The following PJVK variants were observed in gnomAD, a reference collection of about 807,000 sequenced individuals.
PJVK encodes pejvakin.
Under a neutral mutation model 37.6 loss-of-function variants are expected in PJVK, and 33 were observed. The ratio of observed to expected loss-of-function variants is 0.88; its 90% CI spans 0.67 to 1.17. The LOEUF (loss-of-function observed/expected upper bound fraction) is 1.17, where lower values mean the gene tolerates loss of function less well. Ranked by LOEUF, PJVK falls within the 50% of genes most tolerant of loss-of-function variation. PJVK has a pLI of 0.00. For synonymous variants in PJVK, 141 were observed against 143.5 expected (o/e 0.98, Z 0.13); for missense variants, 410 against 413.8 (o/e 0.99, Z 0.08).
intron 1 of PJVK, chr2:178,452,239 G>A (rs1262397580): frequency 1.6e-5 from 15 of 932,770 alleles, no homozygotes; most frequent in Non-Finnish European, 1.9e-5. Context: ...GTTGCAGTGA[G>A]CCGAGATCGC....
intron 6 of PJVK, 29 bp downstream of exon 6, chr2:178,460,475 T>TA: frequency 6.4e-7 from 1 of 1,570,274 alleles, no homozygotes; most frequent in South Asian, 1.1e-5. Flanking sequence ...ACTGTGAATG[T>TA]CTTTTTTTTT....
chr2:178,452,548 G>A, intron 1 of PJVK: 1 of 985,290 alleles, frequency 1.0e-6, no homozygotes, highest in Non-Finnish European at 1.2e-6. Context: ...TAACACCTAT[G>A]GCAAAACATT....
intron 5 of PJVK, chr2:178,459,236 C>G: frequency 2.1e-6 from 1 of 471,516 alleles, no homozygotes; most frequent in Non-Finnish European, 4.4e-6. Flanking sequence ...CCAGGTGTAG[C>G]CCAAGGGATC....
In PJVK at chr2:178,451,908, T is replaced by C. The variant is rs747676823; in HGVS notation, c.-23+139T>C. 7.8e-4 allele frequency: 720 copies of C among 926,306 alleles called. 1 individual carries two copies. The highest frequency in any genetic ancestry group is 8.9e-4 in the Non-Finnish European group (689 of 775,844). The allele number at this position is 926,306 out of a possible 1,614,324, so 57.4% of individuals were successfully genotyped here. A position where few individuals can be genotyped will look rare whatever the true frequency, so the allele number is the denominator to read the frequency against. On this transcript the variant is annotated intron_variant, in intron 1 of 6. Transcript: ENST00000644580. ...ATGACGTGTCGCTTCTCCAGGGGCT[T>C]GCTAGGCACTAGCAGAAATGCTCCC... is the stretch of plus-strand genomic sequence containing the variant.
rs891890514 is a variant in PJVK at position 178,455,347 on chromosome 2, C to T, written c.408-663C>T. Reference sequence around the variant, plus strand: ...AGTCCATGGGGCTGCCAACCTCAGACGAACAGAAGAAACAGGAGATTCTGA... The same window carrying T: ...AGTCCATGGGGCTGCCAACCTCAGATGAACAGAAGAAACAGGAGATTCTGA... On this transcript the variant is annotated intron_variant, in intron 3 of 6. Transcript: ENST00000644580. 5.7e-5 allele frequency: 74 copies of T among 1,289,996 alleles called. No individual in the cohort carries two copies. In the East Asian group the frequency reaches 1.5e-3, roughly 26 times the overall value. The allele number at this position is 1,289,996 out of a possible 1,614,324, so 79.9% of individuals were successfully genotyped here.
At chr2:178,455,726 A>C (rs919036494) in intron 3 of PJVK, among the ~76,000 whole-genome samples, 1 of 152,232 alleles carries the variant, frequency 6.6e-6, no homozygotes, top group Non-Finnish European at 1.5e-5. Flanking sequence ...CATTTGCTTA[A>C]TTATTAGATT....
chr2:178,454,487 GA>G lies in PJVK; in HGVS notation c.369del (p.Val124TrpfsTer21). 6.2e-7 allele frequency: 1 copy of G among 1,613,812 alleles called. No homozygotes were observed. Among genetic ancestry groups the G allele is most frequent in the Non-Finnish European group, 8.5e-7 (1 of 1,179,952 alleles). On this transcript the variant is annotated frameshift_variant, in exon 3 of 7. Transcript: ENST00000644580. LOFTEE classifies it high-confidence loss of function. ...KASFGIVTKH[E>X]VEVSTLLKEI... ...TTCATTTGGTATAGTAACCAAACAT[GA>G]AGTGGAAGTATCAACATTACTCAAA...
At position 178,453,496 on chromosome 2, in the gene PJVK, C is replaced by T; in HGVS notation, c.87C>T (p.Asp29=). 1 of 1,614,106 alleles carries T rather than the reference C, an allele frequency of 6.2e-7. No homozygotes were observed. Among genetic ancestry groups the T allele is most frequent in the Non-Finnish European group, 8.5e-7 (1 of 1,180,008 alleles). Residue 29 remains aspartate, a synonymous_variant, in exon 2 of 7, where the codon GAC becomes GAT. Transcript: ENST00000644580. ...LVPVPSLSEA[D]KYQPLSLVVK... ...CTGTTCCAAGCCTCAGTGAAGCTGA[C>T]AAATATCAACCTCTAAGTCTGGTGG...
intron 4 of PJVK, 73 bp downstream of exon 4, chr2:178,456,224 TA>T: frequency 6.4e-7 from 1 of 1,551,090 alleles, no homozygotes; most frequent in Non-Finnish European, 8.8e-7. Context: ...ATTGAATTTC[TA>T]GTCAGGCTTG....
intron 1 of PJVK, chr2:178,452,997 C>A: frequency 4.4e-6 from 1 of 229,514 alleles, no homozygotes; most frequent in Non-Finnish European, 8.8e-6. Flanking sequence ...AGATTGTATC[C>A]GGGACTATCG....
In PJVK at chr2:178,454,914, C is replaced by T. The variant is rs1235383641; in HGVS notation, c.407+387C>T. 3 of 919,004 alleles carry T rather than the reference C, an allele frequency of 3.3e-6. No individual in the cohort carries two copies. In the African/African-American group the frequency reaches 4.9e-5, roughly 15 times the overall value. The allele number at this position is 919,004 out of a possible 1,614,324, so 56.9% of individuals were successfully genotyped here. A position where few individuals can be genotyped will look rare whatever the true frequency, so the allele number is the denominator to read the frequency against. ...TGAGAAGGACAAAGGAAAACTGAAG[C>T]CCAACCTAGGCAACAGGGCAGACCT... is the stretch of plus-strand genomic sequence containing the variant. On this transcript the variant is annotated intron_variant, in intron 3 of 6. Coordinates refer to ENST00000644580, the MANE Select transcript of PJVK (RefSeq NM_001042702.5).
At chr2:178,451,925 A>G in intron 1 of PJVK, 156 bp downstream of exon 1, 1 of 788,922 alleles carries the variant, frequency 1.3e-6, no homozygotes, top group Non-Finnish European at 1.5e-6. Flanking sequence ...CACTAGCAGA[A>G]ATGCTCCCCT....
intron 4 of PJVK, 37 bp downstream of exon 4, chr2:178,456,188 GT>G (rs769586947): frequency 3.1e-6 from 5 of 1,607,022 alleles, no homozygotes; most frequent in Non-Finnish European, 4.3e-6. Flanking sequence ...ACTAACTAAA[GT>G]GTTGCCATGG....
In PJVK at chr2:178,458,646, T is replaced by C. The variant is rs768212688; in HGVS notation, c.667+19T>C. On this transcript the variant is annotated intron_variant, in intron 5 of 6. Transcript: ENST00000644580. ...GCCTTTGGTGAGTTAAGGGTCTGCA[T>C]GAAATACAAATGATTATATTTTTAA... 8 of 1,538,972 alleles carry C rather than the reference T, an allele frequency of 5.2e-6. No individual in the cohort carries two copies. Among genetic ancestry groups the C allele is most frequent in the Admixed American group, 1.7e-5 (1 of 59,920 alleles).
Position 178,460,139 on chromosome 2 carries a change from G to A in PJVK, c.668-209G>A, listed in dbSNP as rs544101276. Among the ~76,000 whole-genome samples, 25 of 152,282 alleles carry A rather than the reference G, an allele frequency of 1.6e-4. 1 individual carries two copies. Among genetic ancestry groups the A allele is most frequent in the African/African-American group, 4.6e-4 (19 of 41,572 alleles). ...CCCCTGAGGTAGAAGACTGTGGCTGGATACAGGGTGGGCCAGAGACCTATT... is the reference window on the plus strand; with the variant it reads ...CCCCTGAGGTAGAAGACTGTGGCTGAATACAGGGTGGGCCAGAGACCTATT... On this transcript the variant is annotated intron_variant, in intron 5 of 6. Transcript: ENST00000644580.
intron 4 of PJVK, 35 bp downstream of exon 4, chr2:178,456,186 A>C (rs761691517): frequency 3.0e-5 from 49 of 1,608,234 alleles, no homozygotes; most frequent in Middle Eastern, 1.6e-4. Flanking sequence ...TTACTAACTA[A>C]AGTGTTGCCA....
rs1286128641 is a variant in PJVK, at chr2:178,461,149, T to A, written c.934T>A (p.Cys312Ser). The part of the protein sequence containing the change: ...HNIPKGPCIL[C>S]GMGNFKRETV... ...CATTCCCAAAGGGCCTTGCATACTC[T>A]GTGGAATGGGGAACTTCAAAAGGGA... The change falls in exon 7 of 7, where the codon TGT becomes AGT. Residue 312 changes from cysteine to serine, a missense_variant. Cys to Ser is a moderately radical substitution (Grantham distance 112, BLOSUM62 -1). Coordinates refer to ENST00000644580, the MANE Select transcript of PJVK (RefSeq NM_001042702.5). 6.2e-7 allele frequency: 1 copy of A among 1,614,208 alleles called. No homozygotes were observed. Among genetic ancestry groups the A allele is most frequent in the East Asian group, 2.2e-5 (1 of 44,870 alleles).
intron 3 of PJVK, chr2:178,454,766 A>G (rs1683913627): frequency 2.5e-6 from 4 of 1,580,198 alleles, no homozygotes; most frequent in Non-Finnish European, 3.4e-6. Context: ...ATGAAGAGGC[A>G]GAGAGGCTGC....
At chr2:178,460,476 C>CTTTTTTT in intron 6 of PJVK, 30 bp downstream of exon 6, 1 of 1,436,558 alleles carries the variant, frequency 7.0e-7, no homozygotes, top group Non-Finnish European at 9.6e-7. Flanking sequence ...CTGTGAATGT[C>CTTTTTTT]TTTTTTTTTT....
Sources: allele counts gnomAD v4.1 joint callset (sites outside exome capture counted in the v4.1 genomes callset), GRCh38; gene constraint gnomAD v4.1.1; transcripts MANE v1.5; gene names NCBI Gene and HGNC (gene_info 2026-07-23, HGNC 2026-07-21).